The following DIAPH3 variants were observed in gnomAD, a reference collection of about 807,000 sequenced individuals.
DIAPH3 encodes the protein diaphanous related formin 3.
A neutral mutation model predicts 144.3 loss-of-function variants in DIAPH3; 117 were observed. The observed-to-expected ratio is 0.81, with a 90% confidence interval of 0.70 to 0.95. The LOEUF is 0.95. Among genes scored for constraint, DIAPH3 ranks in the 40% least tolerant of loss-of-function variants. DIAPH3 has a pLI of 0.00. For missense variants in DIAPH3, 1,421 were observed against 1,412.7 expected, an observed-to-expected ratio of 1.01 and a Z score of -0.09; for synonymous variants, 519 against 488.9, an observed-to-expected ratio of 1.06 and a Z score of -0.81.
At chr13:59,838,998 C>T (rs373719146) in intron 23 of DIAPH3, 136 of 267,560 alleles carry the variant, frequency 5.1e-4, no homozygotes, top group African/African-American at 2.6e-3. Context: ...GTAGGCCCAG[C>T]TACTTGAGAG....
chr13:59,856,775 C>T (rs2043278246), intron 22 of DIAPH3, among the ~76,000 whole-genome samples: 2 of 152,000 alleles, frequency 1.3e-5, no homozygotes, highest in African/African-American at 4.8e-5. Flanking sequence ...CATTTTTGTT[C>T]CCTTGACCAG....
At chr13:59,860,476 T>C (rs2043512139) in intron 22 of DIAPH3, among the ~76,000 whole-genome samples, 3 of 152,238 alleles carry the variant, frequency 2.0e-5, no homozygotes, top group Middle Eastern at 3.4e-3. Flanking sequence ...CGGTGGCTCA[T>C]GCCTGTAATC....
intron 17 of DIAPH3, among the ~76,000 whole-genome samples, chr13:59,928,699 G>A (rs907411957): frequency 6.6e-6 from 1 of 152,112 alleles, no homozygotes; most frequent in Non-Finnish European, 1.5e-5. Flanking sequence ...GTTTGTGGAG[G>A]CTTTGGTATG....
intron 27 of DIAPH3, chr13:59,696,156 T>C (rs2033789954): frequency 6.6e-6 from 1 of 152,210 alleles, no homozygotes; most frequent in Admixed American, 6.5e-5. Flanking sequence ...ATGGTTCCGT[T>C]GATCTTATGC....
At position 59,971,050 on chromosome 13, in the gene DIAPH3, CA is replaced by C; in HGVS notation, c.1760del (p.Val587GlyfsTer48). ...GTGGTGGGGGAGGAGGTGGAGGCGG[CA>C]CCCCTCCACCAGAAGGCAGTGGAGG... Reference protein sequence around the residue: ...PPPPLPSGGGVPPPPPPPPPP... With the variant: ...PPPPLPSGGGXPPPPPPPPPP... On this transcript the variant is annotated frameshift_variant, in exon 16 of 28. Coordinates refer to ENST00000400324, the MANE Select transcript of DIAPH3 (RefSeq NM_001042517.2). LOFTEE classifies it high-confidence loss of function. 6.2e-7 allele frequency: 1 copy of C among 1,613,462 alleles called. No homozygotes were observed. Among genetic ancestry groups the C allele is most frequent in the South Asian group, 1.1e-5 (1 of 91,046 alleles).
rs537481079 is a variant in DIAPH3 at position 59,752,457 on chromosome 13, T to C, written c.3319+21732A>G. Among the ~76,000 whole-genome samples the C allele has an allele frequency of 3.1e-3, 477 of 151,496 alleles. 3 individuals carry two copies. The highest frequency in any genetic ancestry group is 0.01 in the African/African-American group (420 of 41,290). On this transcript the variant is annotated intron_variant, in intron 27 of 27. Coordinates refer to ENST00000400324, the MANE Select transcript of DIAPH3 (RefSeq NM_001042517.2). ...ATCATGGCTCACTGCAATCTCGACC[T>C]CCTAGGCTCAAGCAATCCTCCCATC...
At chr13:59,965,239 A>G in intron 17 of DIAPH3, among the ~76,000 whole-genome samples, 1 of 152,154 alleles carries the variant, frequency 6.6e-6, no homozygotes, top group East Asian at 1.9e-4. Flanking sequence ...TCAGTTGAGA[A>G]ATAATTTATA....
intron 5 of DIAPH3, among the ~76,000 whole-genome samples, chr13:60,033,375 T>C (rs2054951616): frequency 6.6e-6 from 1 of 152,150 alleles, no homozygotes; most frequent in Non-Finnish European, 1.5e-5. Flanking sequence ...CTTGCATTTC[T>C]ATAAAAAAAA....
chr13:60,037,654 C>T (rs7328231), intron 5 of DIAPH3, among the ~76,000 whole-genome samples: 4 of 151,558 alleles, frequency 2.6e-5, no homozygotes, highest in Non-Finnish European at 5.9e-5. Flanking sequence ...AAGGAAGAAG[C>T]AGAAAGAAGA....
chr13:60,020,091 G>A (rs1320473735), intron 5 of DIAPH3, among the ~76,000 whole-genome samples: 6 of 152,080 alleles, frequency 3.9e-5, no homozygotes, highest in African/African-American at 1.2e-4. Flanking sequence ...TATAGGGACC[G>A]TTTCTTATAT....
Position 60,130,764 on chromosome 13 carries a change from A to T in DIAPH3, c.213+2193T>A, listed in dbSNP as rs112026530. ...AAACCATTGAGAAAGGCAGATAATAAATGATGTATTGTTGAAGATATGCAC... is the reference window on the plus strand; with the variant it reads ...AAACCATTGAGAAAGGCAGATAATATATGATGTATTGTTGAAGATATGCAC... On this transcript the variant is annotated intron_variant, in intron 2 of 27. Coordinates refer to ENST00000400324, the MANE Select transcript of DIAPH3 (RefSeq NM_001042517.2). Among the ~76,000 whole-genome samples, 1,061 of 152,326 alleles carry T rather than the reference A, an allele frequency of 7.0e-3. 4 individuals carry two copies. Among genetic ancestry groups the T allele is most frequent in the Non-Finnish European group, 0.011 (750 of 68,032 alleles).
chr13:59,802,312 C>A (rs1298402500), intron 25 of DIAPH3, among the ~76,000 whole-genome samples: 1 of 152,044 alleles, frequency 6.6e-6, no homozygotes, highest in East Asian at 1.9e-4. Context: ...GCATGACTTT[C>A]CATTTCAAAT....
chr13:59,993,773 C>G (rs77476871), intron 9 of DIAPH3, among the ~76,000 whole-genome samples: 145 of 145,684 alleles, frequency 1.0e-3, no homozygotes, highest in Non-Finnish European at 1.8e-3. Flanking sequence ...GTAACCAGTT[C>G]ATGTCAAAAA....
intron 27 of DIAPH3, among the ~76,000 whole-genome samples, chr13:59,759,052 A>G (rs755580029): frequency 5.3e-5 from 8 of 149,736 alleles, no homozygotes; most frequent in Admixed American, 2.0e-4. Context: ...TCAGCCTCCC[A>G]AAGTGCTGGG....
chr13:59,858,073 A>G (rs1011023726), intron 22 of DIAPH3, among the ~76,000 whole-genome samples: 9 of 152,122 alleles, frequency 5.9e-5, no homozygotes, highest in Non-Finnish European at 1.2e-4. Context: ...TGTTGTCTAT[A>G]GAAGTGTGGA....
chr13:59,672,995 T>C (rs952281873), intron 27 of DIAPH3, among the ~76,000 whole-genome samples: 1 of 152,218 alleles, frequency 6.6e-6, no homozygotes, highest in South Asian at 2.1e-4. Flanking sequence ...TCATTCTTGT[T>C]CTGTATCACT....
chr13:59,920,995 G>C (rs919776347), intron 18 of DIAPH3, among the ~76,000 whole-genome samples: 1 of 151,372 alleles, frequency 6.6e-6, no homozygotes, highest in Non-Finnish European at 1.5e-5. Flanking sequence ...AATAACCAAT[G>C]GGTCAATGAA....
chr13:59,806,682 C>A (rs996255603), intron 25 of DIAPH3, among the ~76,000 whole-genome samples: 1 of 151,754 alleles, frequency 6.6e-6, no homozygotes, highest in African/African-American at 2.4e-5. Flanking sequence ...ACAGCAGGAA[C>A]CTTTTTATTC....
At chr13:60,163,479 G>A (rs1952396248) in intron 1 of DIAPH3, 108 bp downstream of exon 1, 1 of 1,461,416 alleles carries the variant, frequency 6.8e-7, no homozygotes, top group Non-Finnish European at 9.3e-7. Flanking sequence ...TGGCACCTCT[G>A]GATCTCTAGA....
Sources: gnomAD v4.1 joint callset for allele counts (sites outside exome capture counted in the v4.1 genomes callset) on GRCh38, gnomAD v4.1.1 for gene constraint, MANE v1.5 for transcripts, NCBI Gene and HGNC (gene_info 2026-07-23, HGNC 2026-07-21) for gene names.